CCDC178: variants seen among roughly 807,000 people sequenced by gnomAD.
The protein encoded by CCDC178 is coiled-coil domain-containing protein 178.
CCDC178 carries 126 observed loss-of-function variants against 117.4 expected under a neutral mutation model. That is an observed-to-expected ratio of 1.07 (90% confidence interval 0.93 to 1.24). The LOEUF (loss-of-function observed/expected upper bound fraction) is 1.24. Ranked by LOEUF, CCDC178 falls within the 50% of genes most tolerant of loss-of-function variation. CCDC178 has a pLI of 0.00. For synonymous variants in CCDC178, 283 were observed against 313.4 expected, an observed-to-expected ratio of 0.90 and a Z score of 1.02; for missense variants, 1,030 against 986.9, an observed-to-expected ratio of 1.04 and a Z score of -0.59.
intron 14 of CCDC178, among the ~76,000 whole-genome samples, chr18:33,247,136 G>A (rs959345404): frequency 6.6e-6 from 1 of 151,292 alleles, no homozygotes; most frequent in Non-Finnish European, 1.5e-5. Flanking sequence ...GAGACAGAGA[G>A]AGAAAAGAGA....
chr18:33,040,722 A>G (rs2056532912), intron 21 of CCDC178, among the ~76,000 whole-genome samples: 1 of 151,982 alleles, frequency 6.6e-6, no homozygotes, highest in Non-Finnish European at 1.5e-5. Flanking sequence ...TCAAGGAAAA[A>G]AAGTATGAGT....
chr18:33,152,745 A>G (rs1180984213), intron 20 of CCDC178, among the ~76,000 whole-genome samples: 2 of 152,108 alleles, frequency 1.3e-5, no homozygotes, highest in Non-Finnish European at 2.9e-5. Context: ...CTACACAGCA[A>G]AAGTGGACTG....
At chr18:33,280,369 C>A (rs2060007221) in intron 12 of CCDC178, among the ~76,000 whole-genome samples, 2 of 151,502 alleles carry the variant, frequency 1.3e-5, no homozygotes, top group South Asian at 2.1e-4. Flanking sequence ...TCATCACTGG[C>A]CATCAGAGAA....
chr18:33,278,927 A>G (rs1039022034), intron 12 of CCDC178, among the ~76,000 whole-genome samples: 19 of 152,286 alleles, frequency 1.2e-4, no homozygotes, highest in Admixed American at 2.0e-4. Context: ...AAAACTCTCA[A>G]TAAATTAGGT....
rs971717996 is a variant in CCDC178, at chr18:33,332,535, TA to T, written c.879+638del. Among the ~76,000 whole-genome samples the T allele has an allele frequency of 2.9e-3, 433 of 151,574 alleles. 1 individual carries two copies. The highest frequency in any genetic ancestry group is 0.01 in the African/African-American group (418 of 41,348). ...ATTTTTGCTCAGTATGATTATGGCT[TA>T]AAAAAAAACCCCACAATTTTATTTT... is the stretch of plus-strand genomic sequence containing the variant. On this transcript the variant is annotated intron_variant, in intron 10 of 22. Coordinates refer to ENST00000383096, the MANE Select transcript of CCDC178 (RefSeq NM_001105528.4).
chr18:33,167,780 T>C (rs550632536), intron 20 of CCDC178, among the ~76,000 whole-genome samples: 3 of 151,772 alleles, frequency 2.0e-5, no homozygotes, highest in Non-Finnish European at 4.4e-5. Context: ...GAGAGGAGAA[T>C]TGCATAACCC....
chr18:33,226,312 A>G (rs1229888923), intron 16 of CCDC178, among the ~76,000 whole-genome samples: 2 of 152,224 alleles, frequency 1.3e-5, no homozygotes, highest in Middle Eastern at 3.2e-3. Flanking sequence ...CAAAAAACCC[A>G]ATCTGGATTC....
chr18:33,209,859 A>T (rs2059086482), intron 20 of CCDC178, among the ~76,000 whole-genome samples: 1 of 152,020 alleles, frequency 6.6e-6, no homozygotes. Flanking sequence ...AAAGCAATAG[A>T]TGATTTAACC....
At chr18:33,248,263 T>G (rs1417504085) in intron 14 of CCDC178, among the ~76,000 whole-genome samples, 1 of 151,736 alleles carries the variant, frequency 6.6e-6, no homozygotes, top group Non-Finnish European at 1.5e-5. Context: ...CCAGAAAGCC[T>G]TTATTTTTTT....
At chr18:33,209,935 A>G (rs560958258) in intron 20 of CCDC178, among the ~76,000 whole-genome samples, 5 of 151,984 alleles carry the variant, frequency 3.3e-5, no homozygotes, top group African/African-American at 4.8e-5. Flanking sequence ...GAGAGAGAGA[A>G]AGAGAGACAC....
chr18:33,343,797 T>G (rs2062847840), intron 9 of CCDC178, among the ~76,000 whole-genome samples: 1 of 152,218 alleles, frequency 6.6e-6, no homozygotes, highest in African/African-American at 2.4e-5. Flanking sequence ...ATATAATACT[T>G]AACATTAAGT....
chr18:33,422,599 A>G (rs2064042167), intron 2 of CCDC178, among the ~76,000 whole-genome samples: 5 of 152,220 alleles, frequency 3.3e-5, no homozygotes, highest in Admixed American at 2.6e-4. Context: ...GAATATCAAT[A>G]TAACTTGGCT....
chr18:33,065,126 G>A (rs1320756926), intron 21 of CCDC178, among the ~76,000 whole-genome samples: 1 of 151,808 alleles, frequency 6.6e-6, no homozygotes, highest in Non-Finnish European at 1.5e-5. Context: ...AAGGGGAGAG[G>A]TTGGTCAATG....
intron 22 of CCDC178, among the ~76,000 whole-genome samples, chr18:32,965,549 A>G (rs1483931150): frequency 6.6e-6 from 1 of 151,886 alleles, no homozygotes; most frequent in Admixed American, 6.6e-5. Flanking sequence ...TTCAATGGGT[A>G]TTTACATTGC....
rs917186096 is a variant in CCDC178 at position 33,402,658 on chromosome 18, T to G, written c.59-5450A>C. Among the ~76,000 whole-genome samples the G allele has an allele frequency of 2.0e-5, 3 of 152,242 alleles. No individual in the cohort carries two copies. In the South Asian group the frequency reaches 6.2e-4, roughly 31 times the overall value. ...AGAGATATCTTACATTTCTGAGATATGAGAATTTACATATTACACTTATCT... is the reference window on the plus strand; with the variant it reads ...AGAGATATCTTACATTTCTGAGATAGGAGAATTTACATATTACACTTATCT... On this transcript the variant is annotated intron_variant, in intron 3 of 22. Transcript: ENST00000383096.
chr18:33,183,183 G>A (rs1415659662), intron 20 of CCDC178, among the ~76,000 whole-genome samples: 1 of 151,948 alleles, frequency 6.6e-6, no homozygotes, highest in East Asian at 1.9e-4. Flanking sequence ...ACAGAGAACA[G>A]AAAAAGGAAA....
rs545277403 is a variant in CCDC178 at position 33,121,289 on chromosome 18, G to C, written c.2239-28379C>G. Among the ~76,000 whole-genome samples, 3 of 152,244 alleles carry C rather than the reference G, an allele frequency of 2.0e-5. No individual in the cohort carries two copies. In the East Asian group the frequency reaches 5.8e-4, roughly 29 times the overall value. The stretch of plus-strand genomic sequence containing the variant: ...GACAGATACAGACATAGACAGAGAA[G>C]AAATTCCACCTGTGCCCAATAGCTT... On this transcript the variant is annotated intron_variant, in intron 20 of 22. Coordinates refer to ENST00000383096, the MANE Select transcript of CCDC178 (RefSeq NM_001105528.4).
chr18:33,154,104 C>T (rs2058366930), intron 20 of CCDC178, among the ~76,000 whole-genome samples: 1 of 152,002 alleles, frequency 6.6e-6, no homozygotes, highest in Non-Finnish European at 1.5e-5. Context: ...GACATAGTAG[C>T]TTCTTGTAGA....
At chr18:33,086,251 C>G (rs2057376335) in intron 21 of CCDC178, among the ~76,000 whole-genome samples, 1 of 151,554 alleles carries the variant, frequency 6.6e-6, no homozygotes, top group South Asian at 2.1e-4. Context: ...GAAAATATTC[C>G]AAATTATTCT....
Sources: allele counts gnomAD v4.1 joint callset (sites outside exome capture counted in the v4.1 genomes callset), GRCh38; gene constraint gnomAD v4.1.1; transcripts MANE v1.5; gene names NCBI Gene and HGNC (gene_info 2026-07-23, HGNC 2026-07-21).